The following GPC6 variants were observed in gnomAD, a reference collection of about 807,000 sequenced individuals.
GPC6 encodes glypican-6.
A neutral mutation model predicts 55.2 loss-of-function variants in GPC6; 14 were observed. That is an observed-to-expected ratio of 0.25 (90% confidence interval 0.17 to 0.40). The LOEUF (loss-of-function observed/expected upper bound fraction) is 0.40. Ranked by LOEUF, GPC6 falls within the 10% of genes least tolerant of loss-of-function variation. The pLI is 1.00. For missense variants in GPC6, 641 were observed against 708.5 expected (o/e 0.90, Z 1.08); for synonymous variants, 278 against 259.6 (o/e 1.07, Z -0.68).
At chr13:93,873,102 G>A (rs1420816157) in intron 3 of GPC6, among the ~76,000 whole-genome samples, 1 of 150,990 alleles carries the variant, frequency 6.6e-6, no homozygotes, top group Non-Finnish European at 1.5e-5. Flanking sequence ...TTAGAGAAAA[G>A]GACATTTTGT....
At chr13:93,404,319 T>A (rs1876205717) in intron 1 of GPC6, among the ~76,000 whole-genome samples, 1 of 152,066 alleles carries the variant, frequency 6.6e-6, no homozygotes, top group Admixed American at 6.6e-5. Flanking sequence ...GGAGAACCTA[T>A]AATTAAGAAA....
intron 4 of GPC6, among the ~76,000 whole-genome samples, chr13:94,230,180 G>A (rs944229224): frequency 3.3e-5 from 5 of 152,094 alleles, no homozygotes; most frequent in Non-Finnish European, 7.4e-5. Context: ...CATATGTAAA[G>A]ACTGAAAACA....
intron 4 of GPC6, among the ~76,000 whole-genome samples, chr13:94,113,778 T>C (rs1886330374): frequency 6.6e-6 from 1 of 151,976 alleles, no homozygotes; most frequent in South Asian, 2.1e-4. Flanking sequence ...CCCAGCACTT[T>C]GGGAGCCTGA....
At chr13:94,151,361 A>G (rs1887733989) in intron 4 of GPC6, among the ~76,000 whole-genome samples, 1 of 152,162 alleles carries the variant, frequency 6.6e-6, no homozygotes, top group African/African-American at 2.4e-5. Flanking sequence ...ACTGAACAAC[A>G]GAGAAATGTT....
At chr13:94,355,805 A>G (rs1878765752) in intron 6 of GPC6, among the ~76,000 whole-genome samples, 1 of 152,156 alleles carries the variant, frequency 6.6e-6, no homozygotes, top group African/African-American at 2.4e-5. Context: ...GTTCTGGGAT[A>G]CATGCGCAGG....
At chr13:94,019,039 T>A (rs530846388) in intron 3 of GPC6, among the ~76,000 whole-genome samples, 1 of 152,300 alleles carries the variant, frequency 6.6e-6, no homozygotes, top group Admixed American at 6.5e-5. Flanking sequence ...TTATTATGTC[T>A]TTGTCTGGCT....
At chr13:93,694,267 G>A (rs2138785094) in intron 2 of GPC6, among the ~76,000 whole-genome samples, 1 of 152,300 alleles carries the variant, frequency 6.6e-6, no homozygotes, top group East Asian at 1.9e-4. Context: ...AATGCAACGT[G>A]AAGTGGTGAA....
intron 6 of GPC6, among the ~76,000 whole-genome samples, chr13:94,369,151 T>C (rs914020622): frequency 6.6e-6 from 1 of 152,230 alleles, no homozygotes; most frequent in African/African-American, 2.4e-5. Flanking sequence ...ATATGGTATA[T>C]ATTATTTACA....
chr13:93,877,990 T>C (rs1416463893), intron 3 of GPC6, among the ~76,000 whole-genome samples: 2 of 152,062 alleles, frequency 1.3e-5, no homozygotes, highest in Non-Finnish European at 2.9e-5. Context: ...TGAAAAGCAG[T>C]ACATTTTAAA....
At chr13:93,399,698 G>T (rs186218864) in intron 1 of GPC6, among the ~76,000 whole-genome samples, 1 of 152,144 alleles carries the variant, frequency 6.6e-6, no homozygotes, top group Non-Finnish European at 1.5e-5. Context: ...GTGCAACCAC[G>T]TGGACTTGGT....
intron 4 of GPC6, among the ~76,000 whole-genome samples, chr13:94,177,747 A>G (rs1888833636): frequency 6.6e-6 from 1 of 152,140 alleles, no homozygotes; most frequent in South Asian, 2.1e-4. Flanking sequence ...AGTTATTTCA[A>G]TATAATCTCC....
Position 93,354,349 on chromosome 13 carries a change from A to ATTTTTTTTTTT in GPC6, c.160+126742_160+126752dup, listed in dbSNP as rs11454186. On this transcript the variant is annotated intron_variant, in intron 1 of 8. Coordinates refer to ENST00000377047, the MANE Select transcript of GPC6 (RefSeq NM_005708.5). ...CAATAAGAAGTGCTTCCGTTGGTAG[A>ATTTTTTTTTTT]TTTTTTTTTTTTTTTTTTTGAGACA... Among the ~76,000 whole-genome samples the ATTTTTTTTTTT allele has an allele frequency of 2.4e-3, 275 of 115,766 alleles. 13 individuals carry two copies. Among genetic ancestry groups the ATTTTTTTTTTT allele is most frequent in the African/African-American group, 8.3e-3 (236 of 28,576 alleles). The allele number at this position is 115,766 out of a possible 152,430, so 75.9% of individuals were successfully genotyped here.
chr13:93,912,540 G>C (rs537116580), intron 3 of GPC6, among the ~76,000 whole-genome samples: 10 of 152,112 alleles, frequency 6.6e-5, no homozygotes, highest in East Asian at 3.9e-4. Context: ...TCAGGAGATC[G>C]AGACCATCCT....
At chr13:94,171,944 A>G (rs1298536019) in intron 4 of GPC6, among the ~76,000 whole-genome samples, 1 of 152,202 alleles carries the variant, frequency 6.6e-6, no homozygotes, top group African/African-American at 2.4e-5. Flanking sequence ...AGTGAAGCCC[A>G]TAAACAATTG....
intron 2 of GPC6, among the ~76,000 whole-genome samples, chr13:93,618,097 A>G (rs1017792017): frequency 2.0e-5 from 3 of 152,066 alleles, no homozygotes; most frequent in Non-Finnish European, 2.9e-5. Flanking sequence ...CCTTTCCTCC[A>G]TGTATTAGAA....
chr13:94,182,001 C>A (rs970380313), intron 4 of GPC6, among the ~76,000 whole-genome samples: 1 of 152,124 alleles, frequency 6.6e-6, no homozygotes, highest in Non-Finnish European at 1.5e-5. Context: ...TAGGAAGTGA[C>A]ATTAGGAGGG....
At chr13:93,694,207 T>G (rs1197372951) in intron 2 of GPC6, among the ~76,000 whole-genome samples, 8 of 152,268 alleles carry the variant, frequency 5.3e-5, no homozygotes, top group Non-Finnish European at 2.9e-5. Flanking sequence ...GCTGGATTCT[T>G]TTTACTTACG....
intron 4 of GPC6, among the ~76,000 whole-genome samples, chr13:94,195,570 T>C (rs1365238313): frequency 6.6e-6 from 1 of 152,234 alleles, no homozygotes; most frequent in Non-Finnish European, 1.5e-5. Flanking sequence ...TCACAAATCC[T>C]CTGCTTCCTC....
intron 4 of GPC6, among the ~76,000 whole-genome samples, chr13:94,180,093 C>T (rs1170012396): frequency 6.6e-6 from 1 of 152,010 alleles, no homozygotes; most frequent in East Asian, 1.9e-4. Flanking sequence ...GGACTCCCTA[C>T]CCGAAGGCTG....
Sources: allele counts gnomAD v4.1 joint callset (sites outside exome capture counted in the v4.1 genomes callset), GRCh38; gene constraint gnomAD v4.1.1; transcripts MANE v1.5; gene names NCBI Gene and HGNC (gene_info 2026-07-23, HGNC 2026-07-21).